Variants in ABLIM1 observed in about 807,000 individuals in gnomAD.
The protein encoded by ABLIM1 is actin-binding LIM protein 1.
In ABLIM1, 40 loss-of-function variants were observed where a neutral mutation model predicts 107.0. The ratio of observed to expected loss-of-function variants is 0.37; its 90% CI spans 0.29 to 0.49. ABLIM1 has a LOEUF of 0.49. ABLIM1 is among the 20% of genes least tolerant of loss of function. The probability of loss-of-function intolerance (pLI) is 0.97; values close to 1 mark genes in which losing one functional copy is unlikely to be tolerated. For missense variants in ABLIM1, 857 were observed against 1,008.5 expected (o/e 0.85, Z 2.04); for synonymous variants, 357 against 357.3 (o/e 1.00, Z 0.01).
chr10:114,796,906 A>G, the ABLIM1 span, among the ~76,000 whole-genome samples: 3 of 152,176 alleles, frequency 2.0e-5, no homozygotes, highest in South Asian at 6.2e-4. Context: ...TACGACCTGC[A>G]TATCCTCATG....
At chr10:114,618,950 A>G (rs2077297929) in intron 1 of ABLIM1, among the ~76,000 whole-genome samples, 1 of 152,132 alleles carries the variant, frequency 6.6e-6, no homozygotes, top group African/African-American at 2.4e-5. Flanking sequence ...AATGGCAAGA[A>G]GCCACTCCTG....
intron 1 of ABLIM1, among the ~76,000 whole-genome samples, chr10:114,647,209 G>GTGGCATTTAGGGAAAAGAGCCCAAGGAA (rs1555215585): frequency 6.6e-6 from 1 of 151,794 alleles, no homozygotes; most frequent in African/African-American, 2.4e-5. Flanking sequence ...TGTTGGGCCA[G>GTGGCATTTAGGGAAAAGAGCCCAAGGAA]ACTGGTCTTG....
intron 4 of ABLIM1, among the ~76,000 whole-genome samples, chr10:114,560,103 C>T (rs1033034009): frequency 6.6e-6 from 1 of 152,180 alleles, no homozygotes; most frequent in African/African-American, 2.4e-5. Context: ...CCAATGCTTT[C>T]AAGATTTGGG....
chr10:114,636,949 C>T (rs1455808241), intron 1 of ABLIM1, among the ~76,000 whole-genome samples: 1 of 150,682 alleles, frequency 6.6e-6, no homozygotes, highest in African/African-American at 2.4e-5. Flanking sequence ...AGGAGAATCG[C>T]TTGAACCCAG....
chr10:114,601,732 C>T (rs1008908304), intron 2 of ABLIM1, 95 bp downstream of exon 2: 75 of 1,578,038 alleles, frequency 4.8e-5, no homozygotes, highest in Non-Finnish European at 6.1e-5. Flanking sequence ...CGCTTATCAT[C>T]CAGTGACCGG....
intron 1 of ABLIM1, among the ~76,000 whole-genome samples, chr10:114,693,075 A>G (rs1442719726): frequency 6.6e-6 from 1 of 152,224 alleles, no homozygotes; most frequent in Non-Finnish European, 1.5e-5. Flanking sequence ...CTTTGAGTGC[A>G]CAGGCACAGT....
At chr10:114,581,172 A>G (rs1020173409) in intron 2 of ABLIM1, among the ~76,000 whole-genome samples, 15 of 152,236 alleles carry the variant, frequency 9.9e-5, no homozygotes, top group African/African-American at 3.6e-4. Flanking sequence ...AGTAACAGGC[A>G]TATTTTAAAA....
intron 1 of ABLIM1, among the ~76,000 whole-genome samples, chr10:114,752,564 C>T (rs1566304432): frequency 6.6e-6 from 1 of 152,174 alleles, no homozygotes; most frequent in South Asian, 2.1e-4. Context: ...CATGCATTAG[C>T]TATTTTTCCT....
At chr10:114,482,434 T>C (rs542309011) in intron 8 of ABLIM1, among the ~76,000 whole-genome samples, 66 of 152,210 alleles carry the variant, frequency 4.3e-4, no homozygotes, top group Non-Finnish European at 8.1e-4. Context: ...AGACAGTTTA[T>C]CTAATAACTA....
intron 1 of ABLIM1, 92 bp from the exon 2 acceptor site, chr10:114,602,053 A>G: frequency 6.6e-7 from 1 of 1,519,198 alleles, no homozygotes; most frequent in Non-Finnish European, 9.0e-7. Context: ...GTGTCAAATG[A>G]GCCACAGAGA....
At chr10:114,568,415 A>G (rs1349705371) in intron 4 of ABLIM1, among the ~76,000 whole-genome samples, 1 of 152,212 alleles carries the variant, frequency 6.6e-6, no homozygotes, top group African/African-American at 2.4e-5. Context: ...AAATTTTTAA[A>G]AAGTCATAAA....
At chr10:114,527,491 GAAACCATCC>G (rs1482876240) in intron 6 of ABLIM1, among the ~76,000 whole-genome samples, 1 of 152,116 alleles carries the variant, frequency 6.6e-6, no homozygotes, top group African/African-American at 2.4e-5. Flanking sequence ...CATTTTCAAC[GAAACCATCC>G]CTGCAGAAAT....
the ABLIM1 span, among the ~76,000 whole-genome samples, chr10:114,794,554 A>G: frequency 2.6e-5 from 4 of 152,274 alleles, no homozygotes; most frequent in African/African-American, 4.8e-5. Context: ...ACAACTAGAA[A>G]AATGAGTAAC....
At chr10:114,659,835 G>C (rs2079708858), upstream of ABLIM1, among the ~76,000 whole-genome samples, 1 of 152,186 alleles carries the variant, frequency 6.6e-6, no homozygotes, top group African/African-American at 2.4e-5. Context: ...GCCTAGGGTG[G>C]AGCCGGGTCT....
At chr10:114,536,607 C>T (rs2137162551) in intron 6 of ABLIM1, among the ~76,000 whole-genome samples, 1 of 152,242 alleles carries the variant, frequency 6.6e-6, no homozygotes, top group East Asian at 1.9e-4. Flanking sequence ...TATATCAGAA[C>T]TTTGTTCCTT....
chr10:114,579,410 A>T (rs1016475731), intron 2 of ABLIM1, among the ~76,000 whole-genome samples: 1 of 152,234 alleles, frequency 6.6e-6, no homozygotes, highest in African/African-American at 2.4e-5. Flanking sequence ...AATGTCACAG[A>T]GTAAACGATT....
At chr10:114,548,781 G>C (rs1367547654) in intron 4 of ABLIM1, among the ~76,000 whole-genome samples, 1 of 152,196 alleles carries the variant, frequency 6.6e-6, no homozygotes, top group Non-Finnish European at 1.5e-5. Flanking sequence ...AAGCAAGCAC[G>C]TGTCAAGTTG....
chr10:114,565,206 G>A (rs1288351476), intron 4 of ABLIM1, among the ~76,000 whole-genome samples: 1 of 152,186 alleles, frequency 6.6e-6, no homozygotes, highest in Non-Finnish European at 1.5e-5. Context: ...TGTTTTTGGA[G>A]ATGCTGTCAT....
intron 1 of ABLIM1, among the ~76,000 whole-genome samples, chr10:114,655,662 T>C (rs763542338): frequency 6.6e-6 from 1 of 151,944 alleles, no homozygotes; most frequent in Non-Finnish European, 1.5e-5. Flanking sequence ...TTGAGGGAGG[T>C]GTCATTTGCT....
Sources: allele counts gnomAD v4.1 joint callset (sites outside exome capture counted in the v4.1 genomes callset), GRCh38; gene constraint gnomAD v4.1.1; transcripts MANE v1.5; gene names NCBI Gene and HGNC (gene_info 2026-07-23, HGNC 2026-07-21).